The following DGLUCY variants were observed in gnomAD, a reference collection of about 807,000 sequenced individuals.
DGLUCY encodes D-glutamate cyclase.
Under a neutral mutation model 58.5 loss-of-function variants are expected in DGLUCY, and 58 were observed. The observed-to-expected ratio is 0.99, with a 90% CI of 0.80 to 1.23. DGLUCY has a LOEUF of 1.23. Among genes scored for constraint, DGLUCY ranks in the 50% most tolerant of loss-of-function variants. The probability of loss-of-function intolerance (pLI) is 0.00; values close to 1 mark genes in which losing one functional copy is unlikely to be tolerated. For synonymous variants in DGLUCY, 325 were observed against 314.1 expected (o/e 1.03, Z -0.37); for missense variants, 779 against 784.7 (o/e 0.99, Z 0.09).
chr14:91,075,011 G>A (rs111645783), intron 1 of DGLUCY, among the ~76,000 whole-genome samples: 2,159 of 151,102 alleles, frequency 0.014, 48 homozygotes, highest in African/African-American at 0.05. Flanking sequence ...GGTGGAAGTT[G>A]CAGTGAGCCA....
chr14:91,210,557 T>A (rs557288163), intron 12 of DGLUCY, among the ~76,000 whole-genome samples: 4 of 152,128 alleles, frequency 2.6e-5, no homozygotes, highest in African/African-American at 7.2e-5. Context: ...AATAATTTTT[T>A]AATAAAAAAT....
At chr14:91,079,583 CATG>C (rs1416935051) in intron 1 of DGLUCY, among the ~76,000 whole-genome samples, 1 of 152,034 alleles carries the variant, frequency 6.6e-6, no homozygotes, top group Non-Finnish European at 1.5e-5. Context: ...CAAACATAAA[CATG>C]ATTTCTAATG....
In DGLUCY at chr14:91,215,412, T is replaced by C; in HGVS notation, c.1572T>C (p.Ser524=). 4 of 1,604,510 alleles carry C rather than the reference T, an allele frequency of 2.5e-6. No individual in the cohort carries two copies. Among genetic ancestry groups the C allele is most frequent in the Non-Finnish European group, 3.4e-6 (4 of 1,173,242 alleles). Reference sequence around the variant, plus strand: ...CTTGTTTTGCTGTTCTAGGTGTTTCTAACTGGGGAGGCTATGCCCTGGCCT... The same window carrying C: ...CTTGTTTTGCTGTTCTAGGTGTTTCCAACTGGGGAGGCTATGCCCTGGCCT... ...EADFAVIAGV[S]NWGGYALACA... The change falls in exon 13 of 14, where the codon TCT becomes TCC. Residue 524 remains serine (S), a synonymous_variant. Transcript: ENST00000256324.
At chr14:91,200,448 A>C (rs753974284) in intron 11 of DGLUCY, among the ~76,000 whole-genome samples, 27 of 152,224 alleles carry the variant, frequency 1.8e-4, no homozygotes, top group Non-Finnish European at 3.4e-4. Flanking sequence ...AAAGTAATAA[A>C]ACTAATATTA....
intron 5 of DGLUCY, among the ~76,000 whole-genome samples, 177 bp downstream of exon 5, chr14:91,170,378 C>T (rs1244177143): frequency 1.3e-5 from 2 of 152,214 alleles, no homozygotes; most frequent in African/African-American, 4.8e-5. Flanking sequence ...TCTGAGCCAG[C>T]CTCGGTCCCA....
chr14:91,083,536 A>AAAC (rs2044162921), intron 1 of DGLUCY, among the ~76,000 whole-genome samples: 1 of 151,084 alleles, frequency 6.6e-6, no homozygotes, highest in Non-Finnish European at 1.5e-5. Flanking sequence ...AAAAAAAAAA[A>AAAC]AAAACAGAGA....
At chr14:91,164,026 T>C (rs558792623) in intron 3 of DGLUCY, among the ~76,000 whole-genome samples, 33 of 152,282 alleles carry the variant, frequency 2.2e-4, no homozygotes, top group African/African-American at 7.9e-4. Flanking sequence ...CTCGGCTCAC[T>C]GCAGCCTCCA....
At chr14:91,060,393 G>A (rs756873050) in exon 1 of DGLUCY, 7 of 1,509,082 alleles carry the variant, frequency 4.6e-6, no homozygotes, top group Middle Eastern at 3.5e-4. Flanking sequence ...CGTCCGCGCT[G>A]GTCCCCGCGG....
chr14:91,148,378 G>T (rs1249231228), intron 1 of DGLUCY, among the ~76,000 whole-genome samples: 10 of 150,948 alleles, frequency 6.6e-5, no homozygotes, highest in Admixed American at 6.6e-4. Context: ...CTATTTTTTT[G>T]TATTTTTAGT....
At chr14:91,179,886 CT>C (rs35580984) in intron 7 of DGLUCY, among the ~76,000 whole-genome samples, 4,736 of 75,866 alleles carry the variant, frequency 0.062, 87 homozygotes, top group African/African-American at 0.21. Flanking sequence ...ATGCTAAACA[CT>C]TTTTTTTTTT....
chr14:91,204,787 T>C lies in DGLUCY; in HGVS notation c.1526T>C (p.Ile509Thr). The change falls in exon 12 of 14, where the codon ATC (isoleucine) becomes ACC (threonine). Residue 509 changes from isoleucine to threonine, a missense_variant. Physicochemically the swap from Ile to Thr is moderately conservative, Grantham distance 89. Transcript: ENST00000256324. ...VRRHIRHGDV[I>T]ACDVEADFAV... ...AGGCACATACGGCACGGGGATGTCA[T>C]CGCCTGCGACGTGGAGGCTGACTTT... 1 of 1,614,116 alleles carries C rather than the reference T, an allele frequency of 6.2e-7. No individual in the cohort carries two copies. The highest frequency in any genetic ancestry group is 1.1e-5 in the South Asian group (1 of 91,078).
chr14:91,121,064 T>G (rs1386757374), intron 1 of DGLUCY, among the ~76,000 whole-genome samples: 3 of 152,188 alleles, frequency 2.0e-5, no homozygotes, highest in Non-Finnish European at 4.4e-5. Context: ...ACCCCAGGTG[T>G]GCCAACCACT....
At chr14:91,104,328 C>T (rs2044550687), upstream of DGLUCY, among the ~76,000 whole-genome samples, 1 of 152,010 alleles carries the variant, frequency 6.6e-6, no homozygotes, top group South Asian at 2.1e-4. Flanking sequence ...TCCCAAAGTG[C>T]TGGGATTACA....
At chr14:91,198,209 A>T (rs922962083) in intron 10 of DGLUCY, among the ~76,000 whole-genome samples, 1 of 151,436 alleles carries the variant, frequency 6.6e-6, no homozygotes, top group Non-Finnish European at 1.5e-5. Context: ...TACCTGGCTA[A>T]TTTTTTATAT....
rs1340205665 is a variant in DGLUCY, at chr14:91,167,496, C to T, written c.257+118C>T. The T allele has an allele frequency of 2.3e-6, 3 of 1,305,550 alleles. No individual in the cohort carries two copies. In the African/African-American group the frequency reaches 4.4e-5, roughly 19 times the overall value. 80.9% of individuals were successfully genotyped at this position (1,305,550 alleles called of 1,614,324 possible). On this transcript the variant is annotated intron_variant, in intron 4 of 13. Coordinates refer to ENST00000256324, the MANE Select transcript of DGLUCY (RefSeq NM_001102368.3). ...TCAGGGACCTTCACAGTGCCTGGCA[C>T]AGAACCTCACTCATGACTGTTGCTC...
At chr14:91,162,024 G>A (rs1285024099) in intron 3 of DGLUCY, among the ~76,000 whole-genome samples, 1 of 152,084 alleles carries the variant, frequency 6.6e-6, no homozygotes, top group East Asian at 1.9e-4. Context: ...AGCCTGGAGG[G>A]AGACAGCCTG....
At chr14:91,222,919 C>A (rs117761521) in intron 13 of DGLUCY, among the ~76,000 whole-genome samples, 2 of 152,162 alleles carry the variant, frequency 1.3e-5, no homozygotes, top group Non-Finnish European at 2.9e-5. Flanking sequence ...TACAGATGGC[C>A]GCCTTCTTGC....
intron 1 of DGLUCY, among the ~76,000 whole-genome samples, chr14:91,082,052 G>A (rs994999028): frequency 3.3e-5 from 5 of 152,088 alleles, no homozygotes; most frequent in Non-Finnish European, 5.9e-5. Context: ...ATTTCATCAC[G>A]TAAAGTAACA....
chr14:91,075,164 T>C (rs1190243112), intron 1 of DGLUCY, among the ~76,000 whole-genome samples: 7 of 152,226 alleles, frequency 4.6e-5, no homozygotes, highest in Non-Finnish European at 1.0e-4. Context: ...GCATTTTTTC[T>C]TTATCATGGT....
Sources: allele counts gnomAD v4.1 joint callset (sites outside exome capture counted in the v4.1 genomes callset), GRCh38; gene constraint gnomAD v4.1.1; transcripts MANE v1.5; gene names NCBI Gene and HGNC (gene_info 2026-07-23, HGNC 2026-07-21).